CPEB1: variants seen among roughly 807,000 people sequenced by gnomAD.
The protein encoded by CPEB1 is cytoplasmic polyadenylation element binding protein 1.
CPEB1 carries 7 observed loss-of-function variants against 65.8 expected under a neutral mutation model. The observed-to-expected ratio is 0.11, with a 90% CI of 0.06 to 0.20. CPEB1 has a LOEUF of 0.20. CPEB1 is among the 10% of genes least tolerant of loss of function. The pLI is 1.00. For missense variants in CPEB1, 551 were observed against 712.2 expected, an observed-to-expected ratio of 0.77 and a Z score of 2.58; for synonymous variants, 262 against 260.0, an observed-to-expected ratio of 1.01 and a Z score of -0.08.
At chr15:82,571,268 ACTGTTG>A in intron 4 of CPEB1, 70 bp downstream of exon 4, 1 of 1,534,714 alleles carries the variant, frequency 6.5e-7, no homozygotes, top group Non-Finnish European at 8.8e-7. Flanking sequence ...GAACAGAACA[ACTGTTG>A]CTGTGGATAT....
chr15:82,604,442 C>A (rs759947277), intron 3 of CPEB1, among the ~76,000 whole-genome samples: 21 of 149,774 alleles, frequency 1.4e-4, no homozygotes, highest in Non-Finnish European at 2.1e-4. Context: ...AGATTGATCG[C>A]GCCACTACAC....
At chr15:82,583,294 C>T (rs2041474025) in intron 3 of CPEB1, 1 of 152,176 alleles carries the variant, frequency 6.6e-6, no homozygotes, top group Admixed American at 6.6e-5. Flanking sequence ...TTGAATACAA[C>T]ATGCCATCTA....
chr15:82,629,247 G>A, intron 1 of CPEB1: 3 of 984,750 alleles, frequency 3.0e-6, no homozygotes, highest in Non-Finnish European at 3.6e-6. Flanking sequence ...CATATGTAAA[G>A]CATTTTGCAT....
chr15:82,647,651 G>T, upstream of CPEB1: 1 of 363,782 alleles, frequency 2.7e-6, no homozygotes, highest in Non-Finnish European at 4.7e-6. Flanking sequence ...AAGGCCCTGA[G>T]TCACGAGGAG....
chr15:82,559,908 A>T (rs1342189830), intron 4 of CPEB1, among the ~76,000 whole-genome samples: 1 of 152,016 alleles, frequency 6.6e-6, no homozygotes, highest in Non-Finnish European at 1.5e-5. Flanking sequence ...ACATGGCGAA[A>T]CCCCGTCTCT....
rs748972954 is a variant in CPEB1, at chr15:82,555,861, C to G, written c.940+9G>C. On this transcript the variant is annotated intron_variant, in intron 6 of 12. Transcript: ENST00000684509. ...CCTCAGGCCTCACACATGCTCAAGG[C>G]ACACTCACCTGCAGCTTGTCGGTGC... The G allele has an allele frequency of 1.2e-6, 2 of 1,606,988 alleles. No individual in the cohort carries two copies. Among genetic ancestry groups the G allele is most frequent in the South Asian group, 2.2e-5 (2 of 89,704 alleles).
intron 1 of CPEB1, chr15:82,637,933 A>T: frequency 2.3e-6 from 1 of 441,198 alleles, no homozygotes; most frequent in Non-Finnish European, 4.5e-6. Context: ...CCATTAAAAA[A>T]ACCTATTACA....
intron 1 of CPEB1, 21 bp from the exon 2 acceptor site, chr15:82,628,577 A>T (rs1055645346): frequency 1.6e-6 from 1 of 629,156 alleles, no homozygotes; most frequent in Non-Finnish European, 2.8e-6. Flanking sequence ...TGGTGGAATT[A>T]GGATTGGTAC....
chr15:82,648,284 C>T (rs957743703), upstream of CPEB1: 5 of 175,252 alleles, frequency 2.9e-5, no homozygotes, highest in Non-Finnish European at 6.0e-5. Context: ...CGAAAGAGGG[C>T]ACGATTTACA....
chr15:82,616,648 T>C (rs1391584052), intron 3 of CPEB1, among the ~76,000 whole-genome samples: 1 of 151,870 alleles, frequency 6.6e-6, no homozygotes, highest in Non-Finnish European at 1.5e-5. Flanking sequence ...GTTCAAGTGA[T>C]TATCCTGCCT....
Position 82,544,425 on chromosome 15 carries a change from T to G in CPEB1, c.*167A>C. On this transcript the variant is annotated 3_prime_UTR_variant, in exon 13 of 13. Transcript: ENST00000684509. ...AAAACCTGACAAAACTCAATGTGCATTAATTAGTGCAGAAACAAAGACAGA... is the reference window on the plus strand; with the variant it reads ...AAAACCTGACAAAACTCAATGTGCAGTAATTAGTGCAGAAACAAAGACAGA... The G allele has an allele frequency of 1.4e-5, 8 of 578,606 alleles. No homozygotes were observed. The highest frequency in any genetic ancestry group is 3.2e-5 in the Admixed American group (1 of 30,794). 35.8% of individuals were successfully genotyped at this position (578,606 alleles called of 1,614,324 possible). A position where few individuals can be genotyped will look rare whatever the true frequency, so the allele number is the denominator to read the frequency against.
chr15:82,615,595 G>A (rs1260032915), intron 3 of CPEB1, among the ~76,000 whole-genome samples: 1 of 152,094 alleles, frequency 6.6e-6, no homozygotes, highest in Non-Finnish European at 1.5e-5. Context: ...GATCATATAT[G>A]CTACACGTAT....
chr15:82,596,340 G>C (rs753345005), intron 3 of CPEB1, among the ~76,000 whole-genome samples: 8 of 152,118 alleles, frequency 5.3e-5, no homozygotes, highest in Non-Finnish European at 1.2e-4. Context: ...GCAAATGCAA[G>C]TATTAATAAG....
rs1027446385 is a variant in CPEB1 at position 82,573,307 on chromosome 15, C to T, written c.272-1775G>A. The T allele has an allele frequency of 2.9e-5, 22 of 750,266 alleles. No individual in the cohort carries two copies. The African/African-American group carries it at 3.4e-4, about 12-fold the overall frequency. The allele number at this position is 750,266 out of a possible 1,614,324, so 46.5% of individuals were successfully genotyped here. Reference sequence around the variant, plus strand: ...ATTCCTCCTGGCTGTAGATATTCTGCTTGCTCCCTATCTGTGTTTGTCAAA... The same window carrying T: ...ATTCCTCCTGGCTGTAGATATTCTGTTTGCTCCCTATCTGTGTTTGTCAAA... On this transcript the variant is annotated intron_variant, in intron 3 of 12. Transcript: ENST00000684509.
chr15:82,578,955 C>G (rs1327042684), intron 3 of CPEB1, among the ~76,000 whole-genome samples: 1 of 152,098 alleles, frequency 6.6e-6, no homozygotes, highest in African/African-American at 2.4e-5. Context: ...TCCCGAGTAG[C>G]TGGGATTATA....
At chr15:82,555,799 G>A in intron 6 of CPEB1, 71 bp downstream of exon 6, 1 of 1,534,812 alleles carries the variant, frequency 6.5e-7, no homozygotes, top group Non-Finnish European at 8.8e-7. Flanking sequence ...ACAAGTGTGT[G>A]AACTAAGGTC....
At chr15:82,602,346 T>C (rs1192077508) in intron 3 of CPEB1, among the ~76,000 whole-genome samples, 1 of 152,180 alleles carries the variant, frequency 6.6e-6, no homozygotes, top group Non-Finnish European at 1.5e-5. Context: ...CTTAAATCCA[T>C]GCTGAGCGGG....
intron 3 of CPEB1, among the ~76,000 whole-genome samples, chr15:82,619,659 CCAAAGGCCAGTAAA>C (rs2045110685): frequency 6.6e-6 from 1 of 151,882 alleles, no homozygotes; most frequent in Non-Finnish European, 1.5e-5. Flanking sequence ...AAAAGGATAT[CCAAAGGCCAGTAAA>C]CATGAAAATG....
chr15:82,550,965 A>T (rs915603974), intron 9 of CPEB1, among the ~76,000 whole-genome samples: 1 of 152,118 alleles, frequency 6.6e-6, no homozygotes, highest in Non-Finnish European at 1.5e-5. Context: ...AGGGGCACTG[A>T]GGAGGAAGGG....
Sources: allele counts gnomAD v4.1 joint callset (sites outside exome capture counted in the v4.1 genomes callset), GRCh38; gene constraint gnomAD v4.1.1; transcripts MANE v1.5; gene names NCBI Gene and HGNC (gene_info 2026-07-23, HGNC 2026-07-21).